The following EFNB1 variants were observed in gnomAD, a reference collection of about 807,000 sequenced individuals.
EFNB1 encodes ephrin B1.
In EFNB1, 1 loss-of-function variant was observed where a neutral mutation model predicts 18.1. The observed-to-expected ratio is 0.06, with a 90% CI of 0.02 to 0.26. The LOEUF is 0.26. Among genes scored for constraint, EFNB1 ranks in the 10% least tolerant of loss-of-function variants. The probability of loss-of-function intolerance (pLI) is 1.00; values close to 1 mark genes in which losing one functional copy is unlikely to be tolerated. For synonymous variants in EFNB1, 131 were observed against 127.5 expected, an observed-to-expected ratio of 1.03 and a Z score of -0.19; for missense variants, 221 against 301.8, an observed-to-expected ratio of 0.73 and a Z score of 1.98.
rs763606269 is a variant in EFNB1, at chrX:68,840,655, G to A, written c.*1G>A. ...GGCGAACATCTACTACAAGGTCTGAGTGCCCGGCACGGCCTCAGGCCCCCG... is the reference window on the plus strand; with the variant it reads ...GGCGAACATCTACTACAAGGTCTGAATGCCCGGCACGGCCTCAGGCCCCCG... On this transcript the variant is annotated 3_prime_UTR_variant, in exon 5 of 5. Coordinates refer to ENST00000204961, the MANE Select transcript of EFNB1 (RefSeq NM_004429.5). 10 of 1,204,297 alleles carry A rather than the reference G, an allele frequency of 8.3e-6. No individual in the cohort carries two copies. The East Asian group carries it at 3.0e-4, about 36-fold the overall frequency.
At chrX:68,832,695 CT>C (rs1483585305) in intron 1 of EFNB1, among the ~76,000 whole-genome samples, 2 of 111,684 alleles carry the variant, frequency 1.8e-5, no homozygotes, top group Non-Finnish European at 3.8e-5. Context: ...ATGCTAGTCC[CT>C]GAGTGGCAGG....
At chrX:68,831,921 C>T (rs532985626) in intron 1 of EFNB1, among the ~76,000 whole-genome samples, 6 of 110,278 alleles carry the variant, frequency 5.4e-5, no homozygotes, top group East Asian at 2.9e-4. Context: ...AGAAACTGTC[C>T]GAATTCCATT....
At chrX:68,836,765 C>G (rs2080461709) in intron 1 of EFNB1, among the ~76,000 whole-genome samples, 1 of 112,251 alleles carries the variant, frequency 8.9e-6, no homozygotes, top group Non-Finnish European at 1.9e-5. Flanking sequence ...CTGCCTGAAG[C>G]CTTCCATTGT....
intron 1 of EFNB1, among the ~76,000 whole-genome samples, chrX:68,831,839 C>CGGGG (rs2080446436): frequency 9.1e-6 from 1 of 109,939 alleles, no homozygotes; most frequent in Non-Finnish European, 1.9e-5. Context: ...CCTCTCTGAC[C>CGGGG]CCCCTCCTCA....
At position 68,838,761 on chromosome X, in the gene EFNB1, A is replaced by G; in HGVS notation, c.273A>G (p.Thr91=). 8.3e-7 allele frequency: 1 copy of G among 1,211,197 alleles called. No homozygotes were observed. The highest frequency in any genetic ancestry group is 1.1e-6 in the Non-Finnish European group (1 of 895,101). ...CTGAGCAGGCAGCTGCCTGTAGCAC[A>G]GTTCTCGACCCCAACGTGTTGGTCA... ...VRPEQAAACS[T]VLDPNVLVTC... Residue 91 remains threonine (T), a synonymous_variant, in exon 2 of 5, where the codon ACA becomes ACG. Coordinates refer to ENST00000204961, the MANE Select transcript of EFNB1 (RefSeq NM_004429.5).
rs755885387 is a variant in EFNB1, at chrX:68,838,731, G to A, written c.243G>A (p.Val81=). ...RPYEYYKLYL[V]RPEQAAACST... ...ATGAGTACTACAAGCTGTACCTGGT[G>A]CGGCCTGAGCAGGCAGCTGCCTGTA... is the stretch of plus-strand genomic sequence containing the variant. The change falls in exon 2 of 5, where the codon GTG becomes GTA. Residue 81 remains valine (V), a synonymous_variant. Transcript: ENST00000204961. 5 of 1,211,409 alleles carry A rather than the reference G, an allele frequency of 4.1e-6. No homozygotes were observed. The Admixed American group carries it at 8.7e-5, about 21-fold the overall frequency.
intron 1 of EFNB1, among the ~76,000 whole-genome samples, chrX:68,830,192 C>T (rs780628890): frequency 1.8e-5 from 2 of 111,798 alleles, no homozygotes; most frequent in South Asian, 7.7e-4. Flanking sequence ...AGTCCGGGCG[C>T]CCGAGAGCGC....
chrX:68,834,546 GCTC>G (rs1169393095), intron 1 of EFNB1, among the ~76,000 whole-genome samples: 1 of 113,167 alleles, frequency 8.8e-6, no homozygotes, highest in African/African-American at 3.2e-5. Flanking sequence ...TGCCAGGCCT[GCTC>G]CTGCCAGCCT....
At chrX:68,831,403 A>G (rs2080445040) in intron 1 of EFNB1, among the ~76,000 whole-genome samples, 1 of 111,818 alleles carries the variant, frequency 8.9e-6, no homozygotes, top group Non-Finnish European at 1.9e-5. Flanking sequence ...ATTGGCAAGA[A>G]TTTCTTTCCT....
chrX:68,836,465 C>A (rs983282424), intron 1 of EFNB1, among the ~76,000 whole-genome samples: 1 of 112,095 alleles, frequency 8.9e-6, no homozygotes, highest in African/African-American at 3.2e-5. Flanking sequence ...ATGGCAGCTC[C>A]CAATTTGGTG....
rs1394263390 is a variant in EFNB1 at position 68,829,096 on chromosome X, C to T, written c.-681C>T. The T allele has an allele frequency of 8.7e-6, 1 of 114,887 alleles. No individual in the cohort carries two copies. The highest frequency in any genetic ancestry group is 1.8e-5 in the Non-Finnish European group (1 of 54,854). 9.5% of individuals were successfully genotyped at this position (114,887 alleles called of 1,213,427 possible). On this transcript the variant is annotated 5_prime_UTR_variant, in exon 1 of 5. Coordinates refer to ENST00000204961, the MANE Select transcript of EFNB1 (RefSeq NM_004429.5). ...ACCCTCGGGCTCGATCGCCCGGGAG[C>T]CAGGACTCGGCGACGCGAGGCTGCC...
chrX:68,838,544 C>G (rs1001112997), intron 1 of EFNB1, 73 bp from the exon 2 acceptor site: 2 of 1,175,098 alleles, frequency 1.7e-6, no homozygotes, highest in Non-Finnish European at 2.3e-6. Context: ...GGCTCTTGTC[C>G]GCTTCCCTGG....
At chrX:68,840,213 G>A (rs1482612592) in intron 4 of EFNB1, 29 bp from the exon 5 acceptor site, 1 of 1,210,095 alleles carries the variant, frequency 8.3e-7, no homozygotes, top group Non-Finnish European at 1.1e-6. Context: ...ACCCCTGGCT[G>A]ACTGTTCCTT....
intron 1 of EFNB1, among the ~76,000 whole-genome samples, 173 bp downstream of exon 1, chrX:68,830,077 G>A (rs891505357): frequency 2.7e-5 from 3 of 111,404 alleles, no homozygotes; most frequent in African/African-American, 9.8e-5. Context: ...GGTGCGGCGG[G>A]GTGGGGTAGG....
At chrX:68,836,303 G>A (rs1010719402) in intron 1 of EFNB1, among the ~76,000 whole-genome samples, 13 of 111,954 alleles carry the variant, frequency 1.2e-4, no homozygotes, top group African/African-American at 3.9e-4. Context: ...GGGGAAACTT[G>A]TTGGCTTTGT....
Position 68,829,502 on chromosome X carries a change from C to G in EFNB1, c.-275C>G, listed in dbSNP as rs1230167974. On this transcript the variant is annotated 5_prime_UTR_variant, in exon 1 of 5. Coordinates refer to ENST00000204961, the MANE Select transcript of EFNB1 (RefSeq NM_004429.5). The stretch of plus-strand genomic sequence containing the variant: ...GGATCACCCGGGGGCGCAGAGCCCC[C>G]GTCGCGCCTCGTGCGGCAGCGGAGA... The G allele has an allele frequency of 1.3e-5, 5 of 378,380 alleles. No individual in the cohort carries two copies. The highest frequency in any genetic ancestry group is 2.3e-5 in the Non-Finnish European group (5 of 217,082). 31.2% of individuals were successfully genotyped at this position (378,380 alleles called of 1,213,427 possible).
chrX:68,830,611 G>A (rs1243064016), intron 1 of EFNB1, among the ~76,000 whole-genome samples: 1 of 112,285 alleles, frequency 8.9e-6, no homozygotes, highest in Non-Finnish European at 1.9e-5. Context: ...TCGAACCAGT[G>A]CCCGTCAGGG....
At chrX:68,838,131 ATGTG>A (rs1193927663) in intron 1 of EFNB1, among the ~76,000 whole-genome samples, 794 of 55,536 alleles carry the variant, frequency 0.014, 11 homozygotes, top group African/African-American at 0.047. Flanking sequence ...GTGTGTGTGT[ATGTG>A]TGTGTGTGTG....
At chrX:68,832,811 C>CAT (rs147917178) in intron 1 of EFNB1, among the ~76,000 whole-genome samples, 1 of 97,358 alleles carries the variant, frequency 1.0e-5, no homozygotes, top group Admixed American at 1.1e-4. Flanking sequence ...TCTGTGTGTG[C>CAT]GTGTGTGTGT....
Sources: allele counts gnomAD v4.1 joint callset (sites outside exome capture counted in the v4.1 genomes callset), GRCh38; gene constraint gnomAD v4.1.1; transcripts MANE v1.5; gene names NCBI Gene and HGNC (gene_info 2026-07-23, HGNC 2026-07-21).